The following KANSL2 variants were observed in gnomAD, a reference collection of about 807,000 sequenced individuals.
KANSL2 encodes NSL complex protein NSL2.
A neutral mutation model predicts 55.6 loss-of-function variants in KANSL2; 34 were observed. The ratio of observed to expected loss-of-function variants is 0.61; its 90% CI spans 0.46 to 0.81. The LOEUF (loss-of-function observed/expected upper bound fraction) is 0.81, where lower values mean the gene tolerates loss of function less well. Among genes scored for constraint, KANSL2 ranks in the 40% least tolerant of loss-of-function variants. The probability of loss-of-function intolerance (pLI) is 0.00; values close to 1 mark genes in which losing one functional copy is unlikely to be tolerated. For missense variants in KANSL2, 502 were observed against 609.9 expected (o/e 0.82, Z 1.86); for synonymous variants, 209 against 214.3 (o/e 0.98, Z 0.22).
chr12:48,675,769 G>T (rs147978392), intron 4 of KANSL2, among the ~76,000 whole-genome samples: 1 of 152,090 alleles, frequency 6.6e-6, no homozygotes, highest in Non-Finnish European at 1.5e-5. Flanking sequence ...AGATGAATGC[G>T]CCAGACTTTC....
intron 7 of KANSL2, among the ~76,000 whole-genome samples, chr12:48,664,042 G>A (rs1939541857): frequency 1.3e-5 from 2 of 149,766 alleles, no homozygotes; most frequent in Admixed American, 1.4e-4. Flanking sequence ...AGCCTCCCGA[G>A]TAGCTGGGAT....
chr12:48,659,392 G>A (rs1265016565), intron 8 of KANSL2, among the ~76,000 whole-genome samples: 1 of 152,124 alleles, frequency 6.6e-6, no homozygotes. Flanking sequence ...TTGAGGCCAA[G>A]GTAAGAGGAT....
At chr12:48,658,826 T>C (rs150728738) in intron 8 of KANSL2, among the ~76,000 whole-genome samples, 2,466 of 152,278 alleles carry the variant, frequency 0.016, 29 homozygotes, top group Non-Finnish European at 0.024. Context: ...CAATAGAGAA[T>C]GAGAGAGAAG....
At chr12:48,670,076 C>T (rs2137193075) in intron 5 of KANSL2, among the ~76,000 whole-genome samples, 1 of 151,908 alleles carries the variant, frequency 6.6e-6, no homozygotes, top group East Asian at 2.0e-4. Context: ...TGGCATGCGC[C>T]TATAGTCCCA....
intron 2 of KANSL2, chr12:48,680,075 C>G (rs1939892285): frequency 2.3e-6 from 1 of 439,512 alleles, no homozygotes; most frequent in Non-Finnish European, 4.2e-6. Context: ...GAGGCTGAGG[C>G]AAGGGATTGG....
intron 8 of KANSL2, 61 bp from the exon 9 acceptor site, chr12:48,655,121 T>C: frequency 4.6e-6 from 7 of 1,512,436 alleles, no homozygotes; most frequent in Non-Finnish European, 6.3e-6. Flanking sequence ...AGTTGGCATG[T>C]TTTTCAGCAA....
chr12:48,654,666 G>A (rs762538457), intron 9 of KANSL2: 11 of 519,440 alleles, frequency 2.1e-5, no homozygotes, highest in African/African-American at 1.5e-4. Flanking sequence ...TTAAATAAAT[G>A]TATGTCCTAC....
intron 4 of KANSL2, among the ~76,000 whole-genome samples, chr12:48,674,853 T>C (rs1939791165): frequency 6.6e-6 from 1 of 151,652 alleles, no homozygotes; most frequent in Non-Finnish European, 1.5e-5. Context: ...TTGAACCTGG[T>C]AGGCAGAGAT....
In KANSL2 at chr12:48,660,463, A is replaced by T; in HGVS notation, c.1130T>A (p.Leu377Gln). Residue 377 changes from leucine (L) to glutamine (Q), a missense_variant, in exon 8 of 10, where the codon CTG (leucine) becomes CAG (glutamine). Transcript: ENST00000420613. ...GGCTTCCAGATCGTCTGGCACAGAC[A>T]GTACCTGCTCGGGCTTATACATCTG... is the stretch of plus-strand genomic sequence containing the variant. ...PPQMYKPEQV[L>Q]SVPDDLEAGP... 3 of 1,613,962 alleles carry T rather than the reference A, an allele frequency of 1.9e-6. No individual in the cohort carries two copies. The highest frequency in any genetic ancestry group is 1.7e-6 in the Non-Finnish European group (2 of 1,179,870).
intron 5 of KANSL2, among the ~76,000 whole-genome samples, chr12:48,669,655 C>G (rs575938040): frequency 6.6e-6 from 1 of 151,932 alleles, no homozygotes; most frequent in African/African-American, 2.4e-5. Flanking sequence ...GTAGCTGGGA[C>G]TACAGGTGCC....
Position 48,671,858 on chromosome 12 carries a change from A to G in KANSL2, c.650T>C (p.Leu217Pro), listed in dbSNP as rs1290659438. Reference sequence around the variant, plus strand: ...GTATCGGCGCTTCTTCTCCTTGAGCAGATGCTGAAGTCGTTTAAACTGATC... The same window carrying G: ...GTATCGGCGCTTCTTCTCCTTGAGCGGATGCTGAAGTCGTTTAAACTGATC... ...YIDQFKRLQH[L>P]LKEKKRRYLH... The change falls in exon 5 of 10, where the codon CTG (leucine) becomes CCG (proline). Residue 217 changes from leucine (L) to proline (P), a missense_variant. Coordinates refer to ENST00000420613, the MANE Select transcript of KANSL2 (RefSeq NM_017822.4). 1 of 1,613,638 alleles carries G rather than the reference A, an allele frequency of 6.2e-7. No homozygotes were observed. The highest frequency in any genetic ancestry group is 8.5e-7 in the Non-Finnish European group (1 of 1,179,660).
intron 7 of KANSL2, among the ~76,000 whole-genome samples, chr12:48,660,826 C>A (rs1939472515): frequency 6.6e-6 from 1 of 152,136 alleles, no homozygotes; most frequent in South Asian, 2.1e-4. Flanking sequence ...TCTAGCTCTA[C>A]CAGTAATTTA....
chr12:48,662,423 G>T (rs1374796066), intron 7 of KANSL2: 2 of 930,790 alleles, frequency 2.1e-6, no homozygotes, highest in Non-Finnish European at 2.6e-6. Flanking sequence ...TTTTTTATTG[G>T]AATTCAAAGG....
intron 7 of KANSL2, among the ~76,000 whole-genome samples, 179 bp from the exon 8 acceptor site, chr12:48,660,798 C>A (rs1939472137): frequency 6.6e-6 from 1 of 152,138 alleles, no homozygotes; most frequent in South Asian, 2.1e-4. Flanking sequence ...AAATAAATGT[C>A]ATTTACTAGC....
chr12:48,660,768 A>G (rs779307639), intron 7 of KANSL2, 149 bp from the exon 8 acceptor site: 124 of 811,038 alleles, frequency 1.5e-4, no homozygotes, highest in Admixed American at 3.1e-4. Context: ...GCAGTTAGCA[A>G]TTTTTAAAGT....
chr12:48,669,720 A>C (rs895075925), intron 5 of KANSL2, among the ~76,000 whole-genome samples: 1 of 151,612 alleles, frequency 6.6e-6, no homozygotes, highest in African/African-American at 2.4e-5. Context: ...ACAGGGTTTC[A>C]TTGTGGTCTC....
At chr12:48,657,650 CTT>C (rs1461324596) in intron 8 of KANSL2, among the ~76,000 whole-genome samples, 1 of 151,942 alleles carries the variant, frequency 6.6e-6, no homozygotes, top group African/African-American at 2.4e-5. Context: ...GAGTTTCACT[CTT>C]GTTACCCAGG....
intron 7 of KANSL2, chr12:48,661,169 C>T (rs1413488466): frequency 1.2e-6 from 1 of 833,918 alleles, no homozygotes; most frequent in Non-Finnish European, 1.4e-6. Context: ...GGTATCATAT[C>T]CTAACAAGAA....
chr12:48,681,433 T>C lies in KANSL2; in HGVS notation c.200A>G (p.Lys67Arg), dbSNP rs1939924003. ...AGCATTGGGACATCTTTTTCCATTC[T>C]TCGTCGATATATAACTACACTGCTT... ...PFKQCSYIST[K>R]NGKRCPNAAP... The change falls in exon 2 of 10, where the codon AAG (lysine) becomes AGG (arginine). Residue 67 changes from lysine (K) to arginine (R), a missense_variant. Coordinates refer to ENST00000420613, the MANE Select transcript of KANSL2 (RefSeq NM_017822.4). 6.2e-7 allele frequency: 1 copy of C among 1,613,962 alleles called. No homozygotes were observed. Among genetic ancestry groups the C allele is most frequent in the Non-Finnish European group, 8.5e-7 (1 of 1,179,850 alleles).
Sources: allele counts gnomAD v4.1 joint callset (sites outside exome capture counted in the v4.1 genomes callset), GRCh38; gene constraint gnomAD v4.1.1; transcripts MANE v1.5; gene names NCBI Gene and HGNC (gene_info 2026-07-23, HGNC 2026-07-21).